Variants in KRCC1 observed in about 807,000 individuals in gnomAD.
The protein encoded by KRCC1 is lysine rich coiled-coil 1, also known as lysine-rich coiled-coil protein 1.
A neutral mutation model predicts 7.4 loss-of-function variants in KRCC1; 3 were observed. That is an observed-to-expected ratio of 0.40 (90% CI 0.18 to 1.04). The LOEUF (loss-of-function observed/expected upper bound fraction) is 1.04. Ranked by LOEUF, KRCC1 falls within the 50% of genes least tolerant of loss-of-function variation. The pLI is 0.33. For synonymous variants in KRCC1, 102 were observed against 101.6 expected (o/e 1.00, Z -0.02); for missense variants, 277 against 300.9 (o/e 0.92, Z 0.59).
intron 2 of KRCC1, 138 bp from the exon 3 acceptor site, chr2:88,034,430 C>T (rs183265135): frequency 6.6e-6 from 1 of 152,174 alleles, no homozygotes; most frequent in Non-Finnish European, 1.5e-5. Flanking sequence ...TGAAAATAAA[C>T]CCTAACTTTT....
chr2:88,035,621 T>C (rs563931796), intron 2 of KRCC1, among the ~76,000 whole-genome samples: 41 of 152,214 alleles, frequency 2.7e-4, no homozygotes, highest in African/African-American at 8.7e-4. Context: ...GAAAATAATC[T>C]CTGAATATAT....
intron 1 of KRCC1, among the ~76,000 whole-genome samples, chr2:88,042,206 A>C (rs1573080759): frequency 6.6e-6 from 1 of 151,748 alleles, no homozygotes; most frequent in Admixed American, 6.6e-5. Context: ...GACTACAGGC[A>C]CCTGCCACCA....
At position 88,028,400 on chromosome 2, in the gene KRCC1, G is replaced by C; in HGVS notation, c.164C>G (p.Thr55Arg). ...GYKGEVNSRP[T>R]YRMFDQRLPS... The stretch of plus-strand genomic sequence containing the variant: ...GAGTCTCTGGTCAAACATTCTATAC[G>C]TGGGTCTGGAATTAACCTCTCCTTT... The change falls in exon 4 of 4, where the codon ACG becomes AGG. Residue 55 changes from threonine to arginine, a missense_variant. Transcript: ENST00000347055. The C allele has an allele frequency of 6.2e-7, 1 of 1,614,066 alleles. No individual in the cohort carries two copies. Among genetic ancestry groups the C allele is most frequent in the Non-Finnish European group, 8.5e-7 (1 of 1,180,004 alleles).
At chr2:88,041,937 G>A (rs1673219132) in intron 1 of KRCC1, among the ~76,000 whole-genome samples, 1 of 151,310 alleles carries the variant, frequency 6.6e-6, no homozygotes, top group African/African-American at 2.4e-5. Context: ...TAAAATCCTG[G>A]AGGTAGCATC....
chr2:88,039,303 G>T (rs1294587218), intron 1 of KRCC1, among the ~76,000 whole-genome samples: 1 of 152,154 alleles, frequency 6.6e-6, no homozygotes, highest in Non-Finnish European at 1.5e-5. Context: ...TAATGCCAGT[G>T]TATGGGTTAA....
chr2:88,046,269 C>A (rs558531717), intron 1 of KRCC1, among the ~76,000 whole-genome samples: 2 of 152,230 alleles, frequency 1.3e-5, no homozygotes, highest in East Asian at 3.9e-4. Flanking sequence ...GTTATGTAAC[C>A]CTGGTCAAGC....
chr2:88,032,569 C>T (rs1002144388), intron 3 of KRCC1, among the ~76,000 whole-genome samples: 8 of 152,164 alleles, frequency 5.3e-5, no homozygotes, highest in Admixed American at 1.3e-4. Flanking sequence ...TGGTCGTTAA[C>T]GGACACATGA....
chr2:88,042,846 G>A (rs1011606820), intron 1 of KRCC1, among the ~76,000 whole-genome samples: 7 of 152,152 alleles, frequency 4.6e-5, no homozygotes, highest in Non-Finnish European at 1.0e-4. Flanking sequence ...CAGGATAAGG[G>A]CAAGATAATA....
At chr2:88,035,240 A>AT (rs1363756374) in intron 2 of KRCC1, among the ~76,000 whole-genome samples, 1 of 152,078 alleles carries the variant, frequency 6.6e-6, no homozygotes, top group African/African-American at 2.4e-5. Context: ...CTTCCAATAC[A>AT]TTTTTTTCTT....
rs532299028 is a variant in KRCC1 at position 88,030,134 on chromosome 2, C to T, written c.-22-1549G>A. 7.3e-5 allele frequency among the ~76,000 whole-genome samples: 11 copies of T among 151,030 alleles called. No individual in the cohort carries two copies. The East Asian group carries it at 2.2e-3, about 30-fold the overall frequency. On this transcript the variant is annotated intron_variant, in intron 3 of 3. Coordinates refer to ENST00000347055, the MANE Select transcript of KRCC1 (RefSeq NM_016618.3). Reference sequence around the variant, plus strand: ...AAGTGCTGGGATTACAGGTGTGAGCCACTGTGTCCCACCTGCCCTATATAT... The same window carrying T: ...AAGTGCTGGGATTACAGGTGTGAGCTACTGTGTCCCACCTGCCCTATATAT...
chr2:88,040,490 TC>T (rs1231116015), intron 1 of KRCC1, among the ~76,000 whole-genome samples: 4 of 152,226 alleles, frequency 2.6e-5, no homozygotes, highest in Non-Finnish European at 5.9e-5. Flanking sequence ...ATGAACCTTA[TC>T]GAATGCCTAC....
chr2:88,047,833 T>TG (rs1044691670), intron 1 of KRCC1, among the ~76,000 whole-genome samples: 42 of 152,170 alleles, frequency 2.8e-4, no homozygotes, highest in African/African-American at 8.2e-4. Context: ...TTGGCCAGCA[T>TG]AATAGGTTTT....
chr2:88,035,864 A>G (rs1193478681), intron 2 of KRCC1, among the ~76,000 whole-genome samples: 1 of 152,186 alleles, frequency 6.6e-6, no homozygotes, highest in East Asian at 1.9e-4. Flanking sequence ...CCCAAAATAT[A>G]CTAGACTAGA....
chr2:88,031,017 AC>A (rs1248417622), intron 3 of KRCC1, among the ~76,000 whole-genome samples: 14 of 152,356 alleles, frequency 9.2e-5, no homozygotes, highest in African/African-American at 3.4e-4. Context: ...TATGTACAGT[AC>A]ATAAGATTTG....
At chr2:88,042,160 ACG>A (rs1673225851) in intron 1 of KRCC1, among the ~76,000 whole-genome samples, 1 of 148,902 alleles carries the variant, frequency 6.7e-6, no homozygotes, top group African/African-American at 2.5e-5. Context: ...TCCCAGGTTC[ACG>A]CCATTCTCCT....
intron 3 of KRCC1, among the ~76,000 whole-genome samples, chr2:88,030,834 A>C (rs1462856060): frequency 1.3e-5 from 2 of 152,214 alleles, no homozygotes; most frequent in South Asian, 2.1e-4. Context: ...TGCACTGCAT[A>C]ATAATCTTTT....
At chr2:88,041,212 T>C (rs1673203315) in intron 1 of KRCC1, among the ~76,000 whole-genome samples, 1 of 151,986 alleles carries the variant, frequency 6.6e-6, no homozygotes, top group Non-Finnish European at 1.5e-5. Context: ...TCAAAGGAAT[T>C]TGTGATAGCT....
chr2:88,028,642 C>CTTTTTTTTTTTTTTTTTTT (rs1419047999), intron 3 of KRCC1, 57 bp from the exon 4 acceptor site: 3 of 676,770 alleles, frequency 4.4e-6, no homozygotes, highest in African/African-American at 2.1e-5. Flanking sequence ...ATTTCCTTTG[C>CTTTTTTTTTTTTTTTTTTT]TCTTTTTTTT....
chr2:88,043,195 G>C (rs913117509), intron 1 of KRCC1, among the ~76,000 whole-genome samples: 10 of 152,316 alleles, frequency 6.6e-5, no homozygotes, highest in African/African-American at 2.4e-4. Context: ...TCTATAGGCA[G>C]ATAGGAGTAA....
Sources: allele counts gnomAD v4.1 joint callset (sites outside exome capture counted in the v4.1 genomes callset), GRCh38; gene constraint gnomAD v4.1.1; transcripts MANE v1.5; gene names NCBI Gene and HGNC (gene_info 2026-07-23, HGNC 2026-07-21).